ATP8B4: variants seen among roughly 807,000 people sequenced by gnomAD.
ATP8B4 encodes ATPase phospholipid transporting 8B4 (putative), also known as probable phospholipid-transporting ATPase IM.
ATP8B4 carries 133 observed loss-of-function variants against 145.6 expected under a neutral mutation model. The ratio of observed to expected loss-of-function variants is 0.91; its 90% confidence interval spans 0.79 to 1.05. ATP8B4 has a LOEUF of 1.05. Among genes scored for constraint, ATP8B4 ranks in the 50% least tolerant of loss-of-function variants. The probability of loss-of-function intolerance (pLI) is 0.00; values close to 1 mark genes in which losing one functional copy is unlikely to be tolerated. For missense variants in ATP8B4, 1,458 were observed against 1,425.2 expected, an observed-to-expected ratio of 1.02 and a Z score of -0.37; for synonymous variants, 507 against 492.9, an observed-to-expected ratio of 1.03 and a Z score of -0.38.
At chr15:50,069,880 G>A (rs919978182) in intron 3 of ATP8B4, among the ~76,000 whole-genome samples, 1 of 152,112 alleles carries the variant, frequency 6.6e-6, no homozygotes, top group African/African-American at 2.4e-5. Context: ...AGCAAGTTTT[G>A]TGGAAGCCTG....
chr15:49,939,931 G>A (rs552212411), intron 14 of ATP8B4, among the ~76,000 whole-genome samples: 49 of 152,294 alleles, frequency 3.2e-4, no homozygotes, highest in Admixed American at 7.2e-4. Context: ...TAAAGGGAAT[G>A]CTTATACACT....
intron 8 of ATP8B4, among the ~76,000 whole-genome samples, chr15:49,999,293 C>T (rs1234931598): frequency 6.8e-6 from 1 of 148,036 alleles, no homozygotes; most frequent in African/African-American, 2.5e-5. Flanking sequence ...AACAAAAAAC[C>T]AAACACCGCA....
rs567926349 is a variant in ATP8B4, at chr15:50,152,304, G to A, written c.-43+29957C>T. Among the ~76,000 whole-genome samples, 12 of 152,208 alleles carry A rather than the reference G, an allele frequency of 7.9e-5. No homozygotes were observed. The East Asian group carries it at 2.3e-3, about 29-fold the overall frequency. Reference sequence around the variant, plus strand: ...CCTGTGTTAAAAATCTGATGGAAGTGGATTACAATCAGCAATTGGCAAGAA... The same window carrying A: ...CCTGTGTTAAAAATCTGATGGAAGTAGATTACAATCAGCAATTGGCAAGAA... On this transcript the variant is annotated intron_variant, in intron 1 of 3. Coordinates refer to the ATP8B4 transcript ENST00000558829.
intron 1 of ATP8B4, among the ~76,000 whole-genome samples, chr15:50,149,218 G>T (rs1391681216): frequency 6.6e-6 from 1 of 152,192 alleles, no homozygotes; most frequent in Non-Finnish European, 1.5e-5. Flanking sequence ...GGCTAGGTCT[G>T]CCGTAGTGCC....
chr15:49,946,012 A>C (rs1453371882), intron 14 of ATP8B4, among the ~76,000 whole-genome samples: 1 of 152,228 alleles, frequency 6.6e-6, no homozygotes, highest in African/African-American at 2.4e-5. Context: ...CAGTTAGACA[A>C]GAAAAAGAAA....
intron 1 of ATP8B4, among the ~76,000 whole-genome samples, chr15:50,134,186 G>C (rs1468256772): frequency 1.3e-5 from 2 of 151,652 alleles, no homozygotes; most frequent in South Asian, 2.1e-4. Flanking sequence ...CAGTGAGAGG[G>C]AAATGGAAAA....
chr15:49,899,871 T>C (rs1566951867), intron 21 of ATP8B4, among the ~76,000 whole-genome samples: 2 of 152,198 alleles, frequency 1.3e-5, no homozygotes, highest in Non-Finnish European at 2.9e-5. Flanking sequence ...TTGAATATGA[T>C]GGTGTTCTTG....
At chr15:50,179,267 A>G (rs1430093186) in intron 1 of ATP8B4, among the ~76,000 whole-genome samples, 4 of 152,204 alleles carry the variant, frequency 2.6e-5, no homozygotes, top group African/African-American at 9.7e-5. Flanking sequence ...GAGCCAGAAA[A>G]TAAAGTTTAA....
rs544136984 is a variant in ATP8B4 at position 49,986,294 on chromosome 15, T to A, written c.748+1097A>T. Among the ~76,000 whole-genome samples the A allele has an allele frequency of 1.3e-5, 2 of 152,290 alleles. 1 individual carries two copies. Among genetic ancestry groups the A allele is most frequent in the Admixed American group, 1.3e-4 (2 of 15,292 alleles). The stretch of plus-strand genomic sequence containing the variant: ...TGACAGGAAGCAAATCAGGAGGGTA[T>A]TTCCCATCAGAAGACCATGAAATTT... On this transcript the variant is annotated intron_variant, in intron 10 of 27. Coordinates refer to ENST00000284509, the MANE Select transcript of ATP8B4 (RefSeq NM_024837.4).
intron 12 of ATP8B4, among the ~76,000 whole-genome samples, chr15:49,976,312 A>T (rs1599563971): frequency 8.8e-6 from 1 of 114,024 alleles, no homozygotes; most frequent in Non-Finnish European, 1.6e-5. Context: ...TATTTTCCTT[A>T]CTCTTTTCAC....
intron 6 of ATP8B4, among the ~76,000 whole-genome samples, chr15:50,016,697 G>C (rs560125849): frequency 5.3e-5 from 8 of 152,162 alleles, no homozygotes; most frequent in South Asian, 2.1e-4. Flanking sequence ...ACCCCAGAAA[G>C]GAGGAGTGTC....
intron 5 of ATP8B4, among the ~76,000 whole-genome samples, chr15:50,042,349 C>T (rs144457436): frequency 3.3e-5 from 5 of 152,140 alleles, no homozygotes; most frequent in African/African-American, 1.2e-4. Context: ...GTTGATTTAT[C>T]AAAAAATTAT....
At chr15:49,909,722 C>CAAAAAAAAAAAAAAAAAAAA (rs995336781) in intron 20 of ATP8B4, among the ~76,000 whole-genome samples, 1 of 72,024 alleles carries the variant, frequency 1.4e-5, no homozygotes, top group Non-Finnish European at 2.7e-5. Context: ...CTTTGTTTAC[C>CAAAAAAAAAAAAAAAAAAAA]AAAAAAAAAA....
At chr15:50,087,339 A>AAAAG (rs370205614) in intron 2 of ATP8B4, among the ~76,000 whole-genome samples, 1 of 133,912 alleles carries the variant, frequency 7.5e-6, no homozygotes, top group Non-Finnish European at 1.5e-5. Flanking sequence ...ATTTATATAT[A>AAAAG]ATATAGATCT....
Position 49,916,916 on chromosome 15 carries a change from C to T in ATP8B4, c.2141+18G>A. The stretch of plus-strand genomic sequence containing the variant: ...CCCTCTCGTCCTTCCATCCTTTCCT[C>T]CTTCCTTCAACACCTACCTGAGTTC... On this transcript the variant is annotated intron_variant, in intron 20 of 27. Coordinates refer to ENST00000284509, the MANE Select transcript of ATP8B4 (RefSeq NM_024837.4). The T allele has an allele frequency of 6.2e-7, 1 of 1,606,060 alleles. No homozygotes were observed. Among genetic ancestry groups the T allele is most frequent in the Non-Finnish European group, 8.5e-7 (1 of 1,173,666 alleles).
At chr15:50,092,959 G>A (rs576117911) in intron 2 of ATP8B4, among the ~76,000 whole-genome samples, 20 of 151,984 alleles carry the variant, frequency 1.3e-4, no homozygotes, top group African/African-American at 4.8e-4. Context: ...GCAGCCACAG[G>A]AAAAAGATAT....
intron 7 of ATP8B4, chr15:50,009,446 A>T: frequency 3.9e-6 from 1 of 254,464 alleles, no homozygotes; most frequent in Non-Finnish European, 7.8e-6. Flanking sequence ...GAATCACAGC[A>T]TGGAACGGAT....
chr15:50,033,503 C>T (rs1396258663), intron 6 of ATP8B4, among the ~76,000 whole-genome samples: 1 of 152,118 alleles, frequency 6.6e-6, no homozygotes, highest in Non-Finnish European at 1.5e-5. Flanking sequence ...AGAGAATCCT[C>T]AGCTTTTTAA....
chr15:50,091,847 T>C (rs1015916441), intron 2 of ATP8B4, among the ~76,000 whole-genome samples: 13 of 152,142 alleles, frequency 8.5e-5, no homozygotes, highest in Non-Finnish European at 1.3e-4. Context: ...CAGCTTCCTA[T>C]ATAATGCAGT....
Sources: allele counts gnomAD v4.1 joint callset (sites outside exome capture counted in the v4.1 genomes callset), GRCh38; gene constraint gnomAD v4.1.1; transcripts MANE v1.5; gene names NCBI Gene and HGNC (gene_info 2026-07-23, HGNC 2026-07-21).